The following GATAD2A variants were observed in gnomAD, a reference collection of about 807,000 sequenced individuals.
GATAD2A encodes transcriptional repressor p66-alpha.
In GATAD2A, 12 loss-of-function variants were observed where a neutral mutation model predicts 68.5. The observed-to-expected ratio is 0.18, with a 90% confidence interval of 0.11 to 0.28. GATAD2A has a LOEUF of 0.28. Among genes scored for constraint, GATAD2A ranks in the 10% least tolerant of loss-of-function variants. The pLI is 1.00. For missense variants in GATAD2A, 755 were observed against 868.5 expected (o/e 0.87, Z 1.64); for synonymous variants, 410 against 375.3 (o/e 1.09, Z -1.07).
chr19:19,443,130 T>A (rs1246545913), intron 1 of GATAD2A, among the ~76,000 whole-genome samples: 1 of 152,204 alleles, frequency 6.6e-6, no homozygotes, highest in Non-Finnish European at 1.5e-5. Context: ...CAGCTATTGA[T>A]GTGTTTTAGC....
At chr19:19,484,539 T>C (rs1326976232) in intron 2 of GATAD2A, among the ~76,000 whole-genome samples, 3 of 142,414 alleles carry the variant, frequency 2.1e-5, no homozygotes, top group African/African-American at 7.8e-5. Context: ...TTTCTTTTTT[T>C]TTTTTTTTTT....
intron 1 of GATAD2A, among the ~76,000 whole-genome samples, chr19:19,428,484 C>T (rs2053345988): frequency 6.6e-6 from 1 of 152,146 alleles, no homozygotes; most frequent in African/African-American, 2.4e-5. Context: ...GTCTGGAGGC[C>T]TGAGGTAGGT....
In GATAD2A at chr19:19,506,352, T is replaced by C. The variant is rs2060865885; in HGVS notation, c.*878T>C. 1 of 397,090 alleles carries C rather than the reference T, an allele frequency of 2.5e-6. No individual in the cohort carries two copies. Among genetic ancestry groups the C allele is most frequent in the Non-Finnish European group, 4.4e-6 (1 of 225,420 alleles). 24.6% of individuals were successfully genotyped at this position (397,090 alleles called of 1,614,324 possible). On this transcript the variant is annotated 3_prime_UTR_variant, in exon 12 of 12. Transcript: ENST00000683918. ...TCGGCAGCAGCCCTGAGCAGAAAGCTGGAGGGGGGACTGTCGCGGGGTTTT... is the reference window on the plus strand; with the variant it reads ...TCGGCAGCAGCCCTGAGCAGAAAGCCGGAGGGGGGACTGTCGCGGGGTTTT...
chr19:19,448,290 C>G (rs1420057111), intron 1 of GATAD2A, among the ~76,000 whole-genome samples: 1 of 152,248 alleles, frequency 6.6e-6, no homozygotes, highest in African/African-American at 2.4e-5. Context: ...GTTCCTTGGG[C>G]AGCGTCTGTT....
At chr19:19,430,979 GT>G (rs1568278221) in intron 1 of GATAD2A, among the ~76,000 whole-genome samples, 33 of 64,420 alleles carry the variant, frequency 5.1e-4, no homozygotes, top group African/African-American at 1.0e-3. Flanking sequence ...TGGTAGGGGT[GT>G]GTGTGTGTGT....
chr19:19,436,686 G>C (rs1758712579), intron 1 of GATAD2A, among the ~76,000 whole-genome samples: 1 of 152,250 alleles, frequency 6.6e-6, no homozygotes. Context: ...GCTGCGTGGA[G>C]CTCTTAGGCA....
intron 9 of GATAD2A, 140 bp downstream of exon 9, chr19:19,501,556 C>G: frequency 1.5e-6 from 1 of 685,440 alleles, no homozygotes; most frequent in Non-Finnish European, 2.4e-6. Flanking sequence ...GCGGCAAAAA[C>G]ACTAATTTGC....
intron 1 of GATAD2A, among the ~76,000 whole-genome samples, chr19:19,433,092 A>AGTG (rs2053927700): frequency 1.3e-5 from 2 of 152,332 alleles, no homozygotes; most frequent in South Asian, 4.1e-4. Context: ...CTTTGAAAGC[A>AGTG]GTGGTAGAGT....
intron 1 of GATAD2A, among the ~76,000 whole-genome samples, chr19:19,449,190 T>C (rs2056093562): frequency 6.6e-6 from 1 of 152,180 alleles, no homozygotes; most frequent in African/African-American, 2.4e-5. Flanking sequence ...GTGGTGAGTC[T>C]GAGTGGTGGG....
At chr19:19,433,762 A>G (rs923317879) in intron 1 of GATAD2A, among the ~76,000 whole-genome samples, 12 of 152,220 alleles carry the variant, frequency 7.9e-5, no homozygotes, top group African/African-American at 2.9e-4. Flanking sequence ...TATTACTGCA[A>G]GGAGTACCTC....
At chr19:19,445,020 G>A (rs2055549974) in intron 1 of GATAD2A, among the ~76,000 whole-genome samples, 1 of 152,018 alleles carries the variant, frequency 6.6e-6, no homozygotes, top group Admixed American at 6.6e-5. Context: ...TCCTCTTTCT[G>A]CCTTGGCTCC....
At chr19:19,440,965 C>CCCTTTCCTT (rs1389933926) in intron 1 of GATAD2A, among the ~76,000 whole-genome samples, 20 of 79,026 alleles carry the variant, frequency 2.5e-4, no homozygotes, top group South Asian at 1.0e-3. Flanking sequence ...TTTCTTCCTT[C>CCCTTTCCTT]CCTTTCCTTC....
At position 19,405,731 on chromosome 19, in the gene GATAD2A, T is replaced by G. The variant is rs1333521888; in HGVS notation, c.-295T>G. On this transcript the variant is annotated 5_prime_UTR_variant, in exon 1 of 12. Coordinates refer to ENST00000683918, the MANE Select transcript of GATAD2A (RefSeq NM_001384528.1). Reference sequence around the variant, plus strand: ...CGTCGCCTTTAAGAGCTCCCCGGTGTTTTGGGGGCCGCGGGCCGGGCGCGC... The same window carrying G: ...CGTCGCCTTTAAGAGCTCCCCGGTGGTTTGGGGGCCGCGGGCCGGGCGCGC... The G allele has an allele frequency of 6.6e-6, 1 of 151,176 alleles. No homozygotes were observed. Among genetic ancestry groups the G allele is most frequent in the Non-Finnish European group, 1.5e-5 (1 of 67,726 alleles). The allele number at this position is 151,176 out of a possible 1,614,324, so 9.4% of individuals were successfully genotyped here.
At chr19:19,432,508 C>T (rs1448215761) in intron 1 of GATAD2A, among the ~76,000 whole-genome samples, 1 of 152,110 alleles carries the variant, frequency 6.6e-6, no homozygotes, top group Non-Finnish European at 1.5e-5. Flanking sequence ...GCCATGTTGG[C>T]CAGGATGGTT....
At chr19:19,406,407 CAG>C in intron 1 of GATAD2A, among the ~76,000 whole-genome samples, 1 of 143,784 alleles carries the variant, frequency 7.0e-6, no homozygotes, top group African/African-American at 2.6e-5. Context: ...GGGTCCCGCT[CAG>C]GGGCGGGGGT....
chr19:19,435,582 G>T (rs1012295445), intron 1 of GATAD2A, among the ~76,000 whole-genome samples: 2 of 152,174 alleles, frequency 1.3e-5, no homozygotes, highest in South Asian at 4.1e-4. Flanking sequence ...GGGCACGGTG[G>T]CTCATGCCTG....
Position 19,495,862 on chromosome 19 carries a change from C to A in GATAD2A, c.733C>A (p.Pro245Thr). 1 of 1,612,696 alleles carries A rather than the reference C, an allele frequency of 6.2e-7. No homozygotes were observed. The highest frequency in any genetic ancestry group is 8.5e-7 in the Non-Finnish European group (1 of 1,179,446). Residue 245 changes from proline (P) to threonine (T), a missense_variant, in exon 6 of 12, where the codon CCC becomes ACC. Transcript: ENST00000683918. ...ACAGGCGAGCTCACAGGTCGTCATG[C>A]CCCCACTCGTCAGGGGGGCTCAGGT... is the stretch of plus-strand genomic sequence containing the variant. ...GPQASSQVVM[P>T]PLVRGAQQIH...
intron 2 of GATAD2A, among the ~76,000 whole-genome samples, chr19:19,474,787 C>G (rs555575572): frequency 1.3e-5 from 2 of 152,222 alleles, no homozygotes; most frequent in African/African-American, 2.4e-5. Context: ...CCAAAATGGT[C>G]TGTGCTTTTC....
chr19:19,465,199 T>C, intron 1 of GATAD2A, 141 bp from the exon 2 acceptor site: 1 of 687,174 alleles, frequency 1.5e-6, no homozygotes, highest in Non-Finnish European at 2.6e-6. Context: ...GATGCTTTTC[T>C]GGGCCCTGCG....
Sources: gnomAD v4.1 joint callset for allele counts (sites outside exome capture counted in the v4.1 genomes callset) on GRCh38, gnomAD v4.1.1 for gene constraint, MANE v1.5 for transcripts, NCBI Gene and HGNC (gene_info 2026-07-23, HGNC 2026-07-21) for gene names.